The following RGS6 variants were observed in gnomAD, a reference collection of about 807,000 sequenced individuals.
RGS6 encodes the protein regulator of G protein signaling 6.
In RGS6, 30 loss-of-function variants were observed where a neutral mutation model predicts 78.5. The observed-to-expected ratio is 0.38, with a 90% CI of 0.29 to 0.52. The LOEUF is 0.52. Among genes scored for constraint, RGS6 ranks in the 20% least tolerant of loss-of-function variants. RGS6 has a pLI of 0.85. For synonymous variants in RGS6, 206 were observed against 206.0 expected (o/e 1.00, Z 0.00); for missense variants, 495 against 609.7 (o/e 0.81, Z 1.98).
At chr14:72,011,340 G>C (rs1396493479) in intron 2 of RGS6, among the ~76,000 whole-genome samples, 1 of 152,092 alleles carries the variant, frequency 6.6e-6, no homozygotes, top group Non-Finnish European at 1.5e-5. Flanking sequence ...TGGATCTTTC[G>C]AAAGTGAAAT....
the RGS6 span, among the ~76,000 whole-genome samples, chr14:71,875,183 C>G: frequency 6.6e-6 from 1 of 152,138 alleles, no homozygotes; most frequent in South Asian, 2.1e-4. Flanking sequence ...AGGATTCCCT[C>G]TTTTTCTATT....
chr14:72,520,354 C>T (rs79333575), intron 15 of RGS6, among the ~76,000 whole-genome samples: 113 of 152,214 alleles, frequency 7.4e-4, no homozygotes, highest in Middle Eastern at 3.4e-3. Flanking sequence ...CCTATAAATT[C>T]GTTTTATAAG....
chr14:72,458,192 A>C, intron 4 of RGS6, 79 bp from the exon 5 acceptor site: 1 of 1,067,360 alleles, frequency 9.4e-7, no homozygotes, highest in Non-Finnish European at 1.4e-6. Context: ...ATGACAGTTG[A>C]CTTCTGGTCT....
intron 2 of RGS6, among the ~76,000 whole-genome samples, chr14:72,263,058 G>A (rs936416479): frequency 1.3e-5 from 2 of 152,140 alleles, no homozygotes; most frequent in African/African-American, 4.8e-5. Flanking sequence ...TTAGCAGCCT[G>A]GACCCAGGGC....
intron 7 of RGS6, among the ~76,000 whole-genome samples, chr14:72,468,948 A>G (rs1215333021): frequency 2.0e-5 from 3 of 152,100 alleles, no homozygotes; most frequent in Non-Finnish European, 4.4e-5. Context: ...AGGGTAATCA[A>G]TTCGTGTTGG....
chr14:72,297,020 T>G (rs1466773403), intron 2 of RGS6, among the ~76,000 whole-genome samples: 1 of 152,336 alleles, frequency 6.6e-6, no homozygotes, highest in East Asian at 1.9e-4. Flanking sequence ...CCAGCTCAAT[T>G]TCTTGAAAAG....
intron 3 of RGS6, among the ~76,000 whole-genome samples, chr14:72,445,028 T>A (rs4903019): frequency 0.61 from 93,329 of 152,078 alleles, 29,555 homozygotes; most frequent in East Asian, 0.82. Flanking sequence ...GGCCAGTGAG[T>A]GTCTCTCAGC....
intron 2 of RGS6, among the ~76,000 whole-genome samples, chr14:72,127,093 G>A (rs376880542): frequency 2.0e-5 from 3 of 152,048 alleles, no homozygotes; most frequent in Admixed American, 1.3e-4. Context: ...AAAATATCCC[G>A]TACCATTGCA....
intron 3 of RGS6, among the ~76,000 whole-genome samples, chr14:72,381,317 A>C (rs2086037188): frequency 6.6e-6 from 1 of 152,102 alleles, no homozygotes. Context: ...TCAACACAAA[A>C]AAAGATAAAT....
At chr14:71,948,670 C>T (rs796274396) in intron 1 of RGS6, among the ~76,000 whole-genome samples, 73 of 151,874 alleles carry the variant, frequency 4.8e-4, no homozygotes, top group African/African-American at 1.7e-3. Context: ...CTCATGGGCC[C>T]TCCCAGTAAG....
intron 12 of RGS6, among the ~76,000 whole-genome samples, chr14:72,493,128 T>A (rs1026932214): frequency 1.4e-4 from 22 of 152,096 alleles, no homozygotes; most frequent in African/African-American, 4.8e-4. Flanking sequence ...GCCAAGCAGG[T>A]TTCAGTACCT....
intron 3 of RGS6, among the ~76,000 whole-genome samples, chr14:72,357,766 C>A (rs1223589703): frequency 6.6e-6 from 1 of 152,094 alleles, no homozygotes; most frequent in African/African-American, 2.4e-5. Context: ...AAAAGAAAAA[C>A]ACATTTTCTG....
intron 13 of RGS6, among the ~76,000 whole-genome samples, chr14:72,497,932 C>T (rs981855023): frequency 1.3e-5 from 2 of 151,982 alleles, no homozygotes; most frequent in East Asian, 3.8e-4. Context: ...GGAGTTGCTA[C>T]ATCTTTTATA....
At chr14:72,025,553 G>A (rs1018321710) in intron 2 of RGS6, among the ~76,000 whole-genome samples, 1 of 152,116 alleles carries the variant, frequency 6.6e-6, no homozygotes, top group Non-Finnish European at 1.5e-5. Context: ...GGGATTTCGG[G>A]TGGGGAGAGC....
At chr14:72,024,908 A>G (rs1453745010) in intron 2 of RGS6, among the ~76,000 whole-genome samples, 1 of 152,218 alleles carries the variant, frequency 6.6e-6, no homozygotes, top group Non-Finnish European at 1.5e-5. Flanking sequence ...ACAGTTCACT[A>G]TCAGTGTGAG....
chr14:72,431,264 G>GA (rs1340611449), intron 3 of RGS6, among the ~76,000 whole-genome samples: 3 of 152,072 alleles, frequency 2.0e-5, no homozygotes, highest in African/African-American at 7.2e-5. Flanking sequence ...GGGGAATTGT[G>GA]AATAAAATGC....
At chr14:72,086,267 C>T (rs901446823) in intron 2 of RGS6, among the ~76,000 whole-genome samples, 7 of 152,110 alleles carry the variant, frequency 4.6e-5, no homozygotes, top group South Asian at 4.2e-4. Flanking sequence ...GACGTTTGCT[C>T]GACACCTGTG....
At chr14:72,345,055 T>C (rs1487195023) in intron 2 of RGS6, among the ~76,000 whole-genome samples, 2 of 152,206 alleles carry the variant, frequency 1.3e-5, no homozygotes, top group African/African-American at 2.4e-5. Context: ...AGTGTAGTCA[T>C]GTGACCCTGC....
At chr14:72,303,563 C>G (rs1399207313) in intron 2 of RGS6, among the ~76,000 whole-genome samples, 1 of 152,154 alleles carries the variant, frequency 6.6e-6, no homozygotes, top group Admixed American at 6.5e-5. Context: ...CCATGAGTTT[C>G]TGACTCCACT....
Sources: gnomAD v4.1 joint callset for allele counts (sites outside exome capture counted in the v4.1 genomes callset) on GRCh38, gnomAD v4.1.1 for gene constraint, MANE v1.5 for transcripts, NCBI Gene and HGNC (gene_info 2026-07-23, HGNC 2026-07-21) for gene names.